LIN28B: variants seen among roughly 807,000 people sequenced by gnomAD.
LIN28B encodes lin-28 RNA binding posttranscriptional regulator B, also known as protein lin-28 homolog B.
A neutral mutation model predicts 21.9 loss-of-function variants in LIN28B; 5 were observed. That is an observed-to-expected ratio of 0.23 (90% CI 0.12 to 0.48). The LOEUF is 0.48. Among genes scored for constraint, LIN28B ranks in the 20% least tolerant of loss-of-function variants. The pLI is 0.98. For missense variants in LIN28B, 245 were observed against 310.5 expected, an observed-to-expected ratio of 0.79 and a Z score of 1.58; for synonymous variants, 109 against 111.3, an observed-to-expected ratio of 0.98 and a Z score of 0.13.
chr6:105,017,842 T>C (rs76139329), intron 2 of LIN28B, among the ~76,000 whole-genome samples: 4 of 152,172 alleles, frequency 2.6e-5, no homozygotes, highest in Non-Finnish European at 4.4e-5. Context: ...CTCAGCGTCA[T>C]GCAGTATACC....
chr6:105,060,257 T>C (rs1772101248), intron 3 of LIN28B, among the ~76,000 whole-genome samples: 1 of 151,444 alleles, frequency 6.6e-6, no homozygotes, highest in South Asian at 2.1e-4. Flanking sequence ...GCTAATTCAT[T>C]TTTTTGTTTG....
chr6:104,970,470 A>AT (rs752548367), intron 2 of LIN28B, among the ~76,000 whole-genome samples: 1 of 152,144 alleles, frequency 6.6e-6, no homozygotes, highest in Non-Finnish European at 1.5e-5. Context: ...TTGAGAAAAT[A>AT]TTTATCGATA....
intron 3 of LIN28B, among the ~76,000 whole-genome samples, chr6:105,049,467 A>G (rs1413477235): frequency 6.6e-6 from 1 of 152,218 alleles, no homozygotes; most frequent in Non-Finnish European, 1.5e-5. Flanking sequence ...GCTGAGAAGA[A>G]TGGATATTCT....
chr6:105,041,719 T>C (rs1229386234), intron 3 of LIN28B, among the ~76,000 whole-genome samples: 1 of 152,206 alleles, frequency 6.6e-6, no homozygotes, highest in African/African-American at 2.4e-5. Flanking sequence ...ATGTCATTTT[T>C]GGACCAGCAT....
intron 2 of LIN28B, among the ~76,000 whole-genome samples, chr6:104,967,576 C>CAAAAAAAAAA (rs71003462): frequency 1.6e-5 from 1 of 60,736 alleles, no homozygotes; most frequent in Non-Finnish European, 2.9e-5. Context: ...AACTCCCTCT[C>CAAAAAAAAAA]AAAAAAAAAA....
chr6:105,074,354 T>C (rs1427773176), intron 3 of LIN28B, among the ~76,000 whole-genome samples: 2 of 151,944 alleles, frequency 1.3e-5, no homozygotes, highest in South Asian at 2.1e-4. Flanking sequence ...CCCGCCACCA[T>C]GCCCGGCTAA....
chr6:105,011,717 G>GC (rs1221198262), intron 2 of LIN28B, among the ~76,000 whole-genome samples: 1 of 151,956 alleles, frequency 6.6e-6, no homozygotes, highest in East Asian at 1.9e-4. Context: ...GGGCATGGTG[G>GC]CATGCGCCTG....
chr6:104,998,949 T>G (rs1770666847), intron 2 of LIN28B, among the ~76,000 whole-genome samples: 1 of 152,056 alleles, frequency 6.6e-6, no homozygotes, highest in African/African-American at 2.4e-5. Context: ...AATTGCAAAG[T>G]AAGAAAATGA....
In LIN28B at chr6:105,031,233, G is replaced by C. The variant is rs192674439; in HGVS notation, c.383+4751G>C. Among the ~76,000 whole-genome samples, 473 of 151,896 alleles carry C rather than the reference G, an allele frequency of 3.1e-3. 6 individuals carry two copies. The highest frequency in any genetic ancestry group is 0.011 in the African/African-American group (451 of 41,446). ...GTAACCACCGTTATTTATTTTACTG[G>C]TCAAATTTCCCAGATTTGACCAGTA... On this transcript the variant is annotated intron_variant, in intron 3 of 3. Coordinates refer to ENST00000345080, the MANE Select transcript of LIN28B (RefSeq NM_001004317.4).
intron 3 of LIN28B, among the ~76,000 whole-genome samples, chr6:105,031,216 CG>C (rs1414356443): frequency 2.0e-5 from 3 of 151,886 alleles, no homozygotes; most frequent in Non-Finnish European, 2.9e-5. Context: ...CTGTAACCAC[CG>C]TTATTTATTT....
At chr6:105,035,441 T>C (rs1411471223) in intron 3 of LIN28B, among the ~76,000 whole-genome samples, 1 of 152,118 alleles carries the variant, frequency 6.6e-6, no homozygotes, top group Non-Finnish European at 1.5e-5. Context: ...GGTCTGTCTA[T>C]TCTGACCTAT....
At chr6:104,988,085 A>G (rs1450418547) in intron 2 of LIN28B, among the ~76,000 whole-genome samples, 2 of 152,056 alleles carry the variant, frequency 1.3e-5, no homozygotes, top group South Asian at 2.1e-4. Flanking sequence ...TTTTTGATTC[A>G]CTAGCTTGTT....
chr6:105,025,133 GC>G, intron 2 of LIN28B, among the ~76,000 whole-genome samples: 1 of 152,252 alleles, frequency 6.6e-6, no homozygotes, highest in Non-Finnish European at 1.5e-5. Flanking sequence ...AGAAACGACA[GC>G]AAATGGCTTA....
chr6:104,969,317 T>C (rs1203732463), intron 2 of LIN28B, among the ~76,000 whole-genome samples: 4 of 152,162 alleles, frequency 2.6e-5, no homozygotes, highest in African/African-American at 9.7e-5. Context: ...GAGGAATTTG[T>C]GCCCTTTGGC....
chr6:105,080,673 CTTAT>C lies in LIN28B; in HGVS notation c.*1894_*1897del, dbSNP rs777083455. 4 of 152,580 alleles carry C rather than the reference CTTAT, an allele frequency of 2.6e-5. No homozygotes were observed. Among genetic ancestry groups the C allele is most frequent in the Non-Finnish European group, 4.4e-5 (3 of 68,030 alleles). 9.5% of individuals were successfully genotyped at this position (152,580 alleles called of 1,614,324 possible). A position where few individuals can be genotyped will look rare whatever the true frequency, so the allele number is the denominator to read the frequency against. On this transcript the variant is annotated 3_prime_UTR_variant, in exon 4 of 4. Transcript: ENST00000345080. Reference sequence around the variant, plus strand: ...CCTTGCCTTATGTGAGGATTTCAAACTTATTTAAATTATGTAGACAAATCAAAGT... The same window carrying C: ...CCTTGCCTTATGTGAGGATTTCAAACTTAAATTATGTAGACAAATCAAAGT...
chr6:105,010,748 G>T (rs953109425), intron 2 of LIN28B, among the ~76,000 whole-genome samples: 3 of 152,106 alleles, frequency 2.0e-5, no homozygotes, highest in Non-Finnish European at 4.4e-5. Flanking sequence ...CAGTGAAATT[G>T]TAAGTGCACC....
At chr6:105,008,315 A>T (rs1770855813) in intron 2 of LIN28B, among the ~76,000 whole-genome samples, 1 of 152,138 alleles carries the variant, frequency 6.6e-6, no homozygotes, top group Non-Finnish European at 1.5e-5. Flanking sequence ...CATTATTTGA[A>T]ACTCATGTAT....
chr6:104,967,554 C>A (rs1226859566), intron 2 of LIN28B, among the ~76,000 whole-genome samples: 2 of 110,228 alleles, frequency 1.8e-5, no homozygotes, highest in South Asian at 3.1e-4. Flanking sequence ...GCACTCCAGG[C>A]GACAAGAGTG....
chr6:105,075,499 C>T (rs755438700), intron 3 of LIN28B, among the ~76,000 whole-genome samples: 4 of 152,164 alleles, frequency 2.6e-5, no homozygotes, highest in African/African-American at 7.2e-5. Flanking sequence ...TACCACTCCT[C>T]CCCCTTTTAA....
Sources: gnomAD v4.1 joint callset for allele counts (sites outside exome capture counted in the v4.1 genomes callset) on GRCh38, gnomAD v4.1.1 for gene constraint, MANE v1.5 for transcripts, NCBI Gene and HGNC (gene_info 2026-07-23, HGNC 2026-07-21) for gene names.